The following IFITM10 variants were observed in gnomAD, a reference collection of about 807,000 sequenced individuals.
The protein encoded by IFITM10 is interferon-induced transmembrane protein 10.
In IFITM10, 17 loss-of-function variants were observed where a neutral mutation model predicts 19.0. The observed-to-expected ratio is 0.90, with a 90% CI of 0.61 to 1.34. The LOEUF (loss-of-function observed/expected upper bound fraction) is 1.34, where lower values mean the gene tolerates loss of function less well. Ranked by LOEUF, IFITM10 falls within the 40% of genes most tolerant of loss-of-function variation. The pLI, the probability that IFITM10 is intolerant of heterozygous loss-of-function variation, is 0.00. For synonymous variants in IFITM10, 148 were observed against 147.2 expected (o/e 1.01, Z -0.04); for missense variants, 306 against 319.8 (o/e 0.96, Z 0.33).
chr11:1,749,785 G>A (rs919364057), intron 1 of IFITM10, among the ~76,000 whole-genome samples: 1 of 151,810 alleles, frequency 6.6e-6, no homozygotes, highest in African/African-American at 2.4e-5. Flanking sequence ...ACCAAGTCCA[G>A]GCCTTCCGGT....
At chr11:1,742,927 TGGA>T (rs1845586599) in intron 2 of IFITM10, among the ~76,000 whole-genome samples, 1 of 144,216 alleles carries the variant, frequency 6.9e-6, no homozygotes. Context: ...GATAGATGGA[TGGA>T]GGATGGATGG....
intron 2 of IFITM10, among the ~76,000 whole-genome samples, chr11:1,736,140 G>A (rs1301607258): frequency 1.3e-5 from 2 of 152,196 alleles, no homozygotes; most frequent in African/African-American, 4.8e-5. Context: ...GCTGTAAGAA[G>A]AAACCAAGTT....
rs201685460 is a variant in IFITM10, at chr11:1,735,288, C to T, written c.679G>A (p.Asp227Asn). The T allele has an allele frequency of 6.7e-5, 104 of 1,551,422 alleles. No homozygotes were observed. The highest frequency in any genetic ancestry group is 3.3e-4 in the Middle Eastern group (2 of 6,012). The change falls in exon 3 of 3, where the codon GAC becomes AAC. Residue 227 changes from aspartate (D) to asparagine (N), a missense_variant. Coordinates refer to ENST00000340134, the MANE Select transcript of IFITM10 (RefSeq NM_001170820.4). ...GCCGTGCCTGGCGGGCCTTAGTAGTCGGTGAGGGGGTACCGCAGGAAGATG... is the reference window on the plus strand; with the variant it reads ...GCCGTGCCTGGCGGGCCTTAGTAGTTGGTGAGGGGGTACCGCAGGAAGATG... ...VFIFLRYPLT[D>N]Y
intron 2 of IFITM10, among the ~76,000 whole-genome samples, chr11:1,738,598 C>T (rs1050170045): frequency 1.3e-5 from 2 of 152,044 alleles, no homozygotes. Flanking sequence ...AGAGCATGTT[C>T]GGTGGGCAGG....
At chr11:1,749,141 G>T in intron 1 of IFITM10, 1 of 991,056 alleles carries the variant, frequency 1.0e-6, no homozygotes. Flanking sequence ...AGGGGGTGGG[G>T]AGCGCGCGGG....
intron 2 of IFITM10, among the ~76,000 whole-genome samples, chr11:1,736,695 CAGTGGGTGGAATGGATGGAGTGG>C (rs1851090686): frequency 1.7e-5 from 2 of 118,276 alleles, no homozygotes; most frequent in East Asian, 2.4e-4. Flanking sequence ...GGATGGAGTG[CAGTGGGTGGAATGGATGGAGTGG>C]AGTGGGTGGA....
rs1273504949 is a variant in IFITM10, at chr11:1,750,524, T to C, written c.-82A>G. On this transcript the variant is annotated 5_prime_UTR_variant, in exon 1 of 3. Transcript: ENST00000340134. ...GGCCTCCTGTGTCTCCGCAACCCTCTTTCCTGTCTGGAAGGCCAGTCCTGC... is the reference window on the plus strand; with the variant it reads ...GGCCTCCTGTGTCTCCGCAACCCTCCTTCCTGTCTGGAAGGCCAGTCCTGC... 11 of 1,526,014 alleles carry C rather than the reference T, an allele frequency of 7.2e-6. No individual in the cohort carries two copies. The highest frequency in any genetic ancestry group is 2.0e-5 in the Admixed American group (1 of 50,262). The allele number at this position is 1,526,014 out of a possible 1,614,324, so 94.5% of individuals were successfully genotyped here.
At chr11:1,743,204 TGG>T (rs2133645498) in intron 2 of IFITM10, among the ~76,000 whole-genome samples, 1 of 147,074 alleles carries the variant, frequency 6.8e-6, no homozygotes, top group African/African-American at 2.5e-5. Context: ...GGAAGATGGA[TGG>T]ATGGACAGAT....
At chr11:1,742,424 G>A (rs1590896638) in intron 2 of IFITM10, among the ~76,000 whole-genome samples, 1 of 152,338 alleles carries the variant, frequency 6.6e-6, no homozygotes, top group East Asian at 1.9e-4. Flanking sequence ...CAAGGTGGAT[G>A]AGGAAGGAGG....
chr11:1,748,066 C>T lies in IFITM10; in HGVS notation c.138G>A (p.Thr46=), dbSNP rs1036701260. 10 of 1,417,874 alleles carry T rather than the reference C, an allele frequency of 7.1e-6. No homozygotes were observed. The highest frequency in any genetic ancestry group is 8.2e-6 in the Non-Finnish European group (9 of 1,092,090). 87.8% of individuals were successfully genotyped at this position (1,417,874 alleles called of 1,614,324 possible). The part of the protein sequence containing the change: ...PAPLGDPAST[T]DGAQEARVPL... The stretch of plus-strand genomic sequence containing the variant: ...GGACTCGGGCTTCCTGGGCGCCGTC[C>T]GTGGTGCTGGCCGGGTCTCCCAGCG... The change falls in exon 2 of 3, where the codon ACG becomes ACA. Residue 46 remains threonine, a synonymous_variant. Coordinates refer to ENST00000340134, the MANE Select transcript of IFITM10 (RefSeq NM_001170820.4).
At chr11:1,749,626 T>C (rs1175352666) in intron 1 of IFITM10, among the ~76,000 whole-genome samples, 8 of 151,746 alleles carry the variant, frequency 5.3e-5, no homozygotes, top group Non-Finnish European at 1.0e-4. Context: ...GACTCTCAGT[T>C]CCAGCAGCTC....
chr11:1,745,335 G>A (rs1171701975), intron 2 of IFITM10: 1 of 152,334 alleles, frequency 6.6e-6, no homozygotes, highest in Non-Finnish European at 1.5e-5. Context: ...AGGGCACAGA[G>A]AGAGGGGAGG....
chr11:1,738,540 G>A (rs978821537), intron 2 of IFITM10, among the ~76,000 whole-genome samples: 4 of 152,220 alleles, frequency 2.6e-5, no homozygotes, highest in Admixed American at 2.0e-4. Flanking sequence ...ATCTGGGTAA[G>A]CGGGTAAGTG....
At chr11:1,750,292 T>C (rs1845702280) in intron 1 of IFITM10, 67 bp downstream of exon 1, 1 of 1,547,164 alleles carries the variant, frequency 6.5e-7, no homozygotes, top group Non-Finnish European at 8.7e-7. Flanking sequence ...ACTCCAGCCT[T>C]CCCTCCCTCC....
intron 1 of IFITM10, 145 bp from the exon 2 acceptor site, chr11:1,748,264 A>C (rs1049507201): frequency 3.4e-6 from 2 of 592,530 alleles, no homozygotes; most frequent in South Asian, 6.9e-5. Context: ...TGCCTCCCCC[A>C]CCCGCCCCGG....
chr11:1,736,611 G>A (rs944569404), intron 2 of IFITM10, among the ~76,000 whole-genome samples: 2 of 151,846 alleles, frequency 1.3e-5, no homozygotes, highest in Admixed American at 6.6e-5. Flanking sequence ...TGGAATGGAT[G>A]GAGTGAATGC....
intron 2 of IFITM10, chr11:1,746,824 A>G (rs1434430398): frequency 2.5e-6 from 1 of 398,572 alleles, no homozygotes; most frequent in Non-Finnish European, 4.4e-6. Flanking sequence ...TGATGAGGCT[A>G]AACGTGAGCC....
At chr11:1,742,930 AGGAT>A (rs1283630761) in intron 2 of IFITM10, among the ~76,000 whole-genome samples, 2 of 150,958 alleles carry the variant, frequency 1.3e-5, no homozygotes, top group Non-Finnish European at 3.0e-5. Flanking sequence ...AGATGGATGG[AGGAT>A]GGATGGATAG....
chr11:1,736,209 C>A (rs149241500), intron 2 of IFITM10, among the ~76,000 whole-genome samples: 247 of 152,316 alleles, frequency 1.6e-3, no homozygotes, highest in Middle Eastern at 3.4e-3. Context: ...GGCAAAAAGT[C>A]TTTGCCTTAG....
Sources: gnomAD v4.1 joint callset for allele counts (sites outside exome capture counted in the v4.1 genomes callset) on GRCh38, gnomAD v4.1.1 for gene constraint, MANE v1.5 for transcripts, NCBI Gene and HGNC (gene_info 2026-07-23, HGNC 2026-07-21) for gene names.